SLC35F3: variants seen among roughly 807,000 people sequenced by gnomAD.
SLC35F3 encodes solute carrier family 35 member F3.
Under a neutral mutation model 49.9 loss-of-function variants are expected in SLC35F3, and 25 were observed. That is an observed-to-expected ratio of 0.50 (90% CI 0.37 to 0.70). The LOEUF is 0.70. SLC35F3 is among the 30% of genes least tolerant of loss of function. The pLI, the probability that SLC35F3 is intolerant of heterozygous loss-of-function variation, is 0.00. For synonymous variants in SLC35F3, 275 were observed against 265.4 expected (o/e 1.04, Z -0.35); for missense variants, 525 against 639.8 (o/e 0.82, Z 1.94).
intron 5 of SLC35F3, among the ~76,000 whole-genome samples, chr1:234,317,424 C>T (rs1657518375): frequency 6.6e-6 from 1 of 151,872 alleles, no homozygotes; most frequent in African/African-American, 2.4e-5. Context: ...TCCTAAGATC[C>T]ATAGCAGAGA....
intron 2 of SLC35F3, among the ~76,000 whole-genome samples, chr1:234,122,516 T>C (rs558853895): frequency 6.6e-6 from 1 of 152,212 alleles, no homozygotes; most frequent in Admixed American, 6.5e-5. Flanking sequence ...GTGTGTTACA[T>C]AGGTATACAT....
At chr1:234,181,489 G>T (rs1211030788) in intron 2 of SLC35F3, among the ~76,000 whole-genome samples, 1 of 152,072 alleles carries the variant, frequency 6.6e-6, no homozygotes. Flanking sequence ...TAAATAGTTT[G>T]TTTGCATCAG....
In SLC35F3 at chr1:233,938,628, A is replaced by AGATG. The variant is rs550618631; in HGVS notation, c.283+32889_283+32892dup. 4.3e-4 allele frequency among the ~76,000 whole-genome samples: 65 copies of AGATG among 151,814 alleles called. 1 individual carries two copies. The highest frequency in any genetic ancestry group is 1.1e-3 in the African/African-American group (45 of 41,398). ...ACAATGGATGGACAGATGGATGGAT[A>AGATG]GATGGATGGATGGATGGATGGAAGG... On this transcript the variant is annotated intron_variant, in intron 2 of 7. Transcript: ENST00000366618.
intron 2 of SLC35F3, among the ~76,000 whole-genome samples, chr1:234,066,788 T>C (rs548016513): frequency 9.6e-4 from 140 of 145,976 alleles, no homozygotes; most frequent in African/African-American, 3.4e-3. Flanking sequence ...TCTCTCTCTC[T>C]TTCTCTCCCT....
chr1:234,220,705 G>A (rs1667191323), intron 2 of SLC35F3, among the ~76,000 whole-genome samples: 1 of 152,184 alleles, frequency 6.6e-6, no homozygotes, highest in Non-Finnish European at 1.5e-5. Context: ...AGGCTGTGGT[G>A]AGAGTGTGAA....
At chr1:233,951,290 A>G (rs965280403) in intron 2 of SLC35F3, among the ~76,000 whole-genome samples, 91 of 151,988 alleles carry the variant, frequency 6.0e-4, no homozygotes, top group Non-Finnish European at 2.2e-4. Context: ...ATGATTAGTT[A>G]GTGTAGCCTA....
chr1:234,187,797 G>T lies in SLC35F3; in HGVS notation c.284-43620G>T, dbSNP rs886834423. Among the ~76,000 whole-genome samples the T allele has an allele frequency of 1.6e-3, 248 of 152,292 alleles. 4 individuals are homozygous for T. The highest frequency in any genetic ancestry group is 4.9e-4 in the Non-Finnish European group (33 of 68,018). The stretch of plus-strand genomic sequence containing the variant: ...GCCATTTCTGACTTGTCTCACAGGG[G>T]TCCCTGGGGAGGGCTGCCAGAGGAA... On this transcript the variant is annotated intron_variant, in intron 2 of 7. Transcript: ENST00000366618.
At chr1:234,289,588 C>T (rs1288496428) in intron 3 of SLC35F3, among the ~76,000 whole-genome samples, 2 of 152,192 alleles carry the variant, frequency 1.3e-5, no homozygotes, top group Non-Finnish European at 2.9e-5. Context: ...AAGAAAAAGT[C>T]ACCTGTTAGA....
At chr1:234,292,390 C>G (rs1160930308) in intron 3 of SLC35F3, among the ~76,000 whole-genome samples, 1 of 152,138 alleles carries the variant, frequency 6.6e-6, no homozygotes, top group Non-Finnish European at 1.5e-5. Context: ...TATTGGAACG[C>G]CAAGCATGTC....
chr1:234,159,535 C>T (rs923725003), intron 2 of SLC35F3, among the ~76,000 whole-genome samples: 1 of 152,048 alleles, frequency 6.6e-6, no homozygotes, highest in Non-Finnish European at 1.5e-5. Context: ...CGAGATCACA[C>T]CACTGCACTC....
rs761781389 is a variant in SLC35F3 at position 234,245,316 on chromosome 1, G to A, written c.608+13575G>A. ...ACATGATTTCATTCCTTTTTACAGC[G>A]GAATGGTATTCCATTGTGTATATAT... On this transcript the variant is annotated intron_variant, in intron 3 of 7. Transcript: ENST00000366618. Among the ~76,000 whole-genome samples, 5 of 152,168 alleles carry A rather than the reference G, an allele frequency of 3.3e-5. No homozygotes were observed. In the South Asian group the frequency reaches 6.2e-4, roughly 19 times the overall value.
At chr1:234,293,243 G>A (rs1262452214) in intron 3 of SLC35F3, among the ~76,000 whole-genome samples, 1 of 152,214 alleles carries the variant, frequency 6.6e-6, no homozygotes, top group Admixed American at 6.5e-5. Flanking sequence ...AAGAATCACA[G>A]CAAGATGGGA....
At chr1:234,171,077 G>T (rs943200747) in intron 2 of SLC35F3, among the ~76,000 whole-genome samples, 1 of 152,212 alleles carries the variant, frequency 6.6e-6, no homozygotes, top group African/African-American at 2.4e-5. Context: ...CCCCAACCCA[G>T]GGGTTCCCCA....
chr1:234,225,533 C>G (rs1429840275), intron 2 of SLC35F3, among the ~76,000 whole-genome samples: 2 of 152,162 alleles, frequency 1.3e-5, no homozygotes, highest in Non-Finnish European at 2.9e-5. Context: ...CATTTGGACG[C>G]AATTAGATGC....
chr1:234,247,900 T>C (rs1454380740), intron 3 of SLC35F3, among the ~76,000 whole-genome samples: 4 of 152,186 alleles, frequency 2.6e-5, no homozygotes, highest in African/African-American at 7.2e-5. Flanking sequence ...CGTTGTTTGG[T>C]GGGTAGGTTG....
intron 2 of SLC35F3, among the ~76,000 whole-genome samples, chr1:233,998,363 C>T (rs925528460): frequency 3.3e-5 from 5 of 151,790 alleles, no homozygotes; most frequent in African/African-American, 1.2e-4. Flanking sequence ...TCTTCCTCTA[C>T]GTAGCTATAA....
intron 2 of SLC35F3, among the ~76,000 whole-genome samples, chr1:234,004,279 GAA>G (rs1242080592): frequency 6.6e-5 from 10 of 152,054 alleles, no homozygotes; most frequent in Admixed American, 1.3e-4. Context: ...AGGAAGGAAT[GAA>G]TGAGAGCTGT....
At chr1:234,191,139 G>A (rs147001922) in intron 2 of SLC35F3, among the ~76,000 whole-genome samples, 31 of 152,110 alleles carry the variant, frequency 2.0e-4, no homozygotes, top group African/African-American at 5.5e-4. Context: ...AGAAATACTT[G>A]TGCAGCCTCC....
chr1:234,129,556 C>T (rs1665702073), intron 2 of SLC35F3, among the ~76,000 whole-genome samples: 1 of 152,142 alleles, frequency 6.6e-6, no homozygotes, highest in African/African-American at 2.4e-5. Flanking sequence ...AGTCAAAATC[C>T]TGGAGGGCTT....
Sources: gnomAD v4.1 joint callset for allele counts (sites outside exome capture counted in the v4.1 genomes callset) on GRCh38, gnomAD v4.1.1 for gene constraint, MANE v1.5 for transcripts, NCBI Gene and HGNC (gene_info 2026-07-23, HGNC 2026-07-21) for gene names.